TOX: variants seen among roughly 807,000 people sequenced by gnomAD.
TOX encodes thymocyte selection-associated high mobility group box protein TOX.
In TOX, 11 loss-of-function variants were observed where a neutral mutation model predicts 53.7. The ratio of observed to expected loss-of-function variants is 0.20; its 90% CI spans 0.13 to 0.34. The LOEUF (loss-of-function observed/expected upper bound fraction) is 0.34. Among genes scored for constraint, TOX ranks in the 10% least tolerant of loss-of-function variants. The probability of loss-of-function intolerance (pLI) is 1.00; values close to 1 mark genes in which losing one functional copy is unlikely to be tolerated. For missense variants in TOX, 570 were observed against 664.6 expected (o/e 0.86, Z 1.56); for synonymous variants, 225 against 245.3 (o/e 0.92, Z 0.77).
intron 1 of TOX, among the ~76,000 whole-genome samples, chr8:58,987,391 C>A (rs1035958332): frequency 1.3e-5 from 2 of 152,148 alleles, no homozygotes; most frequent in Non-Finnish European, 2.9e-5. Context: ...AGGAAATAAA[C>A]CTTTTCTGCA....
At chr8:58,978,603 A>G (rs746273409) in intron 1 of TOX, among the ~76,000 whole-genome samples, 8 of 152,234 alleles carry the variant, frequency 5.3e-5, no homozygotes, top group Non-Finnish European at 8.8e-5. Flanking sequence ...CTTTAAGAGC[A>G]GCTTTAGGTA....
chr8:58,808,985 T>C (rs1020504367), intron 7 of TOX, among the ~76,000 whole-genome samples: 3 of 152,230 alleles, frequency 2.0e-5, no homozygotes, highest in African/African-American at 7.2e-5. Flanking sequence ...ATTCTTCTAA[T>C]ACACTGGCAT....
intron 1 of TOX, among the ~76,000 whole-genome samples, chr8:59,101,232 T>C (rs992779439): frequency 2.6e-5 from 4 of 152,242 alleles, no homozygotes; most frequent in Non-Finnish European, 2.9e-5. Flanking sequence ...GTTATGTGTA[T>C]CACATCTAAG....
rs886509006 is a variant in TOX at position 59,029,030 on chromosome 8, G to A, written c.103-69022C>T. Among the ~76,000 whole-genome samples the A allele has an allele frequency of 7.9e-5, 12 of 152,180 alleles. No individual in the cohort carries two copies. The South Asian group carries it at 1.2e-3, about 16-fold the overall frequency. On this transcript the variant is annotated intron_variant, in intron 1 of 8. Coordinates refer to ENST00000361421, the MANE Select transcript of TOX (RefSeq NM_014729.3). The stretch of plus-strand genomic sequence containing the variant: ...TCAGCATACAAATAGATAATTGCTC[G>A]TTTTGGGACAGAAATACTTTACAAC...
intron 3 of TOX, among the ~76,000 whole-genome samples, chr8:58,936,926 C>T (rs555965927): frequency 3.9e-5 from 6 of 152,262 alleles, no homozygotes; most frequent in Non-Finnish European, 8.8e-5. Flanking sequence ...AAAAATTGGT[C>T]CCTCAGTCCC....
rs564674899 is a variant in TOX, at chr8:58,823,806, G to A, written c.1005+3016C>T. Among the ~76,000 whole-genome samples the A allele has an allele frequency of 1.5e-4, 23 of 152,318 alleles. No individual in the cohort carries two copies. The South Asian group carries it at 4.8e-3, about 32-fold the overall frequency. On this transcript the variant is annotated intron_variant, in intron 6 of 8. Transcript: ENST00000361421. ...TGGATGCAGAGTATGGCCTAGGGGC[G>A]AAGAGGGAAGAAGGAGCAGACTGTG...
chr8:59,050,540 T>C (rs1055331704), intron 1 of TOX, among the ~76,000 whole-genome samples: 15 of 152,190 alleles, frequency 9.9e-5, no homozygotes, highest in Non-Finnish European at 7.4e-5. Context: ...TTTTTTCTAA[T>C]ATAATGTTAA....
At chr8:59,113,252 G>T (rs1009748852) in intron 1 of TOX, among the ~76,000 whole-genome samples, 2 of 152,134 alleles carry the variant, frequency 1.3e-5, no homozygotes, top group African/African-American at 4.8e-5. Flanking sequence ...GATGTTTAAG[G>T]GGCTTATCTC....
chr8:58,870,739 T>C (rs1487844670), intron 3 of TOX, among the ~76,000 whole-genome samples: 1 of 151,900 alleles, frequency 6.6e-6, no homozygotes, highest in Non-Finnish European at 1.5e-5. Context: ...ACAAATATAG[T>C]CGCTTATCTC....
intron 1 of TOX, among the ~76,000 whole-genome samples, chr8:58,993,705 G>C (rs979707035): frequency 7.2e-5 from 11 of 152,150 alleles, no homozygotes; most frequent in Admixed American, 3.3e-4. Flanking sequence ...TCAAGGGCAG[G>C]GAGGGAGGGA....
chr8:58,938,071 C>T (rs1436028172), intron 3 of TOX, among the ~76,000 whole-genome samples: 1 of 152,090 alleles, frequency 6.6e-6, no homozygotes, highest in Non-Finnish European at 1.5e-5. Flanking sequence ...AATGAGTCTC[C>T]CCTCTTGGCT....
intron 1 of TOX, among the ~76,000 whole-genome samples, chr8:59,102,023 C>T (rs1022907867): frequency 3.3e-5 from 5 of 152,124 alleles, no homozygotes; most frequent in African/African-American, 4.8e-5. Flanking sequence ...GAAAGGGCAT[C>T]CATATCAGTT....
intron 3 of TOX, among the ~76,000 whole-genome samples, chr8:58,866,806 G>T (rs1009926677): frequency 6.6e-6 from 1 of 152,196 alleles, no homozygotes; most frequent in African/African-American, 2.4e-5. Context: ...CAAGTTATGA[G>T]AAATGCACTT....
chr8:58,853,544 AC>A (rs1221051440), intron 3 of TOX, among the ~76,000 whole-genome samples: 2 of 152,314 alleles, frequency 1.3e-5, no homozygotes, highest in Non-Finnish European at 2.9e-5. Flanking sequence ...AGATCAAATG[AC>A]TTGACCAAAA....
chr8:58,957,427 T>C (rs1585923958), intron 2 of TOX, among the ~76,000 whole-genome samples: 3 of 152,274 alleles, frequency 2.0e-5, no homozygotes, highest in Admixed American at 6.5e-5. Context: ...CAAAACTATA[T>C]GCAAAAAATT....
At chr8:58,966,804 G>GT (rs1335401005) in intron 1 of TOX, among the ~76,000 whole-genome samples, 6 of 150,366 alleles carry the variant, frequency 4.0e-5, no homozygotes, top group African/African-American at 1.5e-4. Flanking sequence ...ACAATGCAAT[G>GT]TTTTTCATTG....
intron 3 of TOX, among the ~76,000 whole-genome samples, chr8:58,926,957 A>G (rs1405363226): frequency 6.6e-6 from 1 of 152,128 alleles, no homozygotes; most frequent in Non-Finnish European, 1.5e-5. Flanking sequence ...TTGAGAATGG[A>G]CCTACAACTT....
chr8:58,822,387 G>C (rs191245860), intron 6 of TOX, among the ~76,000 whole-genome samples: 1 of 152,248 alleles, frequency 6.6e-6, no homozygotes, highest in Admixed American at 6.5e-5. Context: ...AAATGACAGA[G>C]CCTAAAATTG....
chr8:58,821,540 T>A (rs912970291), intron 6 of TOX, among the ~76,000 whole-genome samples: 28 of 152,272 alleles, frequency 1.8e-4, no homozygotes, highest in Middle Eastern at 3.4e-3. Flanking sequence ...GTACAGCAGA[T>A]CTCCAGAGCT....
Sources: gnomAD v4.1 joint callset for allele counts (sites outside exome capture counted in the v4.1 genomes callset) on GRCh38, gnomAD v4.1.1 for gene constraint, MANE v1.5 for transcripts, NCBI Gene and HGNC (gene_info 2026-07-23, HGNC 2026-07-21) for gene names.